The following SMYD3 variants were observed in gnomAD, a reference collection of about 807,000 sequenced individuals.
The protein encoded by SMYD3 is histone-lysine N-methyltransferase SMYD3.
Under a neutral mutation model 57.7 loss-of-function variants are expected in SMYD3, and 36 were observed. The ratio of observed to expected loss-of-function variants is 0.62; its 90% CI spans 0.48 to 0.82. The LOEUF (loss-of-function observed/expected upper bound fraction) is 0.82, where lower values mean the gene tolerates loss of function less well. Among genes scored for constraint, SMYD3 ranks in the 40% least tolerant of loss-of-function variants. SMYD3 has a pLI of 0.00. For missense variants in SMYD3, 515 were observed against 538.8 expected (o/e 0.96, Z 0.44); for synonymous variants, 211 against 195.0 (o/e 1.08, Z -0.68).
chr1:245,861,951 T>G (rs1172225163), intron 9 of SMYD3, among the ~76,000 whole-genome samples: 1 of 152,120 alleles, frequency 6.6e-6, no homozygotes, highest in African/African-American at 2.4e-5. Flanking sequence ...AGTAAAACCT[T>G]GTCCAGTTGA....
chr1:246,210,312 C>A (rs978243315), intron 5 of SMYD3, among the ~76,000 whole-genome samples: 1 of 152,142 alleles, frequency 6.6e-6, no homozygotes, highest in African/African-American at 2.4e-5. Context: ...TAAGAGATGC[C>A]AAGCTCTTAA....
chr1:245,811,921 A>T (rs533769668), intron 10 of SMYD3, among the ~76,000 whole-genome samples: 2 of 152,328 alleles, frequency 1.3e-5, no homozygotes, highest in East Asian at 1.9e-4. Context: ...TTACATTTGA[A>T]CATGGGTCTG....
intron 1 of SMYD3, among the ~76,000 whole-genome samples, chr1:246,436,900 C>CTTTTTTT (rs61263648): frequency 1.1e-4 from 14 of 128,418 alleles, no homozygotes; most frequent in South Asian, 2.6e-4. Context: ...GAGTTTCTTT[C>CTTTTTTT]TTTTTTTTTT....
At chr1:245,825,920 C>T (rs1030070666) in intron 10 of SMYD3, among the ~76,000 whole-genome samples, 6 of 148,216 alleles carry the variant, frequency 4.0e-5, no homozygotes, top group Admixed American at 2.1e-4. Context: ...GAAAACTCCA[C>T]GTCATTTTCT....
chr1:246,216,818 T>G (rs1378773781), intron 5 of SMYD3, among the ~76,000 whole-genome samples: 1 of 152,074 alleles, frequency 6.6e-6, no homozygotes, highest in East Asian at 1.9e-4. Flanking sequence ...GAAGCTAGCT[T>G]TCTCACTAGA....
chr1:246,142,431 T>A lies in SMYD3; in HGVS notation c.531+184770A>T, dbSNP rs151186837. ...CACTTTACAGCTTCTTTTTGGCATA[T>A]CCAAATTGACAGCGCTAGTCTTGCA... On this transcript the variant is annotated intron_variant, in intron 5 of 11. Coordinates refer to ENST00000490107, the MANE Select transcript of SMYD3 (RefSeq NM_001167740.2). 2.7e-3 allele frequency among the ~76,000 whole-genome samples: 417 copies of A among 152,246 alleles called. 2 individuals carry two copies. The highest frequency in any genetic ancestry group is 4.6e-3 in the Non-Finnish European group (313 of 68,020).
intron 5 of SMYD3, among the ~76,000 whole-genome samples, chr1:246,086,705 TTTTTTTTAA>T (rs957076919): frequency 9.3e-5 from 14 of 151,334 alleles, no homozygotes; most frequent in African/African-American, 2.7e-4. Context: ...CAAATTTTCT[TTTTTTTTAA>T]TTTTTTTAAT....
chr1:246,444,666 T>C (rs1165060006), intron 1 of SMYD3, among the ~76,000 whole-genome samples: 9 of 152,114 alleles, frequency 5.9e-5, no homozygotes, highest in Non-Finnish European at 1.5e-5. Flanking sequence ...CTAAATACCA[T>C]TAAAACTATT....
intron 5 of SMYD3, among the ~76,000 whole-genome samples, chr1:246,105,816 C>T (rs1185308253): frequency 5.3e-5 from 8 of 152,186 alleles, no homozygotes; most frequent in African/African-American, 1.9e-4. Context: ...GCCATGCCAA[C>T]GTGCCTCCTG....
intron 5 of SMYD3, among the ~76,000 whole-genome samples, chr1:246,072,679 T>C (rs1291309638): frequency 6.6e-6 from 1 of 152,176 alleles, no homozygotes; most frequent in Non-Finnish European, 1.5e-5. Flanking sequence ...AGGAGATTAG[T>C]ACATGACTCT....
chr1:246,038,738 G>A lies in SMYD3; in HGVS notation c.532-108801C>T, dbSNP rs185982854. 1.6e-3 allele frequency among the ~76,000 whole-genome samples: 239 copies of A among 152,244 alleles called. 1 individual carries two copies. Among genetic ancestry groups the A allele is most frequent in the Non-Finnish European group, 3.0e-3 (202 of 68,018 alleles). On this transcript the variant is annotated intron_variant, in intron 5 of 11. Coordinates refer to ENST00000490107, the MANE Select transcript of SMYD3 (RefSeq NM_001167740.2). ...AGTTCTTACAACTAGGGGATCTCTC[G>A]GGATTTCCACTTCATACTCATTCTT...
rs139138207 is a variant in SMYD3 at position 245,847,684 on chromosome 1, T to C, written c.1076+10812A>G. On this transcript the variant is annotated intron_variant, in intron 10 of 11. Coordinates refer to ENST00000490107, the MANE Select transcript of SMYD3 (RefSeq NM_001167740.2). ...CAAGAGACTGATTCAACAGGAGAAA[T>C]TCAATGCATCCCAAAAGATTCCCTA... is the stretch of plus-strand genomic sequence containing the variant. 5.2e-4 allele frequency among the ~76,000 whole-genome samples: 75 copies of C among 144,776 alleles called. No individual in the cohort carries two copies. The East Asian group carries it at 0.016, about 32-fold the overall frequency. The allele number at this position is 144,776 out of a possible 152,430, so 95.0% of individuals were successfully genotyped here.
rs80014488 is a variant in SMYD3, at chr1:246,400,196, C to G, written c.165-45102G>C. On this transcript the variant is annotated intron_variant, in intron 1 of 11. Coordinates refer to ENST00000490107, the MANE Select transcript of SMYD3 (RefSeq NM_001167740.2). Reference sequence around the variant, plus strand: ...ACAGGTCACTCGTTCATTTATTCATCTAACATTTATTTACCCACATACTGT... The same window carrying G: ...ACAGGTCACTCGTTCATTTATTCATGTAACATTTATTTACCCACATACTGT... Among the ~76,000 whole-genome samples the G allele has an allele frequency of 2.9e-3, 448 of 152,346 alleles. 2 individuals carry two copies. Among genetic ancestry groups the G allele is most frequent in the African/African-American group, 0.01 (417 of 41,594 alleles).
chr1:245,985,792 G>A (rs913545061), intron 5 of SMYD3, among the ~76,000 whole-genome samples: 1 of 152,068 alleles, frequency 6.6e-6, no homozygotes, highest in South Asian at 2.1e-4. Flanking sequence ...CCTCTGCTTG[G>A]AAAATTATTA....
In SMYD3 at chr1:245,957,822, C is replaced by G. The variant is rs115633343; in HGVS notation, c.532-27885G>C. ...ATGTGGAAAAGTCATAACTTACCTT[C>G]CTCATTATTTTCTCTATCAAGCCAT... is the stretch of plus-strand genomic sequence containing the variant. On this transcript the variant is annotated intron_variant, in intron 5 of 11. Coordinates refer to ENST00000490107, the MANE Select transcript of SMYD3 (RefSeq NM_001167740.2). Among the ~76,000 whole-genome samples, 775 of 152,294 alleles carry G rather than the reference C, an allele frequency of 5.1e-3. 5 individuals carry two copies. Among genetic ancestry groups the G allele is most frequent in the Non-Finnish European group, 7.0e-3 (477 of 68,030 alleles).
At chr1:246,009,615 C>T (rs1181238401) in intron 5 of SMYD3, among the ~76,000 whole-genome samples, 1 of 151,884 alleles carries the variant, frequency 6.6e-6, no homozygotes, top group East Asian at 1.9e-4. Context: ...CAAGTTAGAT[C>T]ATCTACTTCC....
chr1:246,019,588 G>A (rs750863995), intron 5 of SMYD3, among the ~76,000 whole-genome samples: 24 of 152,134 alleles, frequency 1.6e-4, no homozygotes, highest in Admixed American at 2.0e-4. Flanking sequence ...CTGTGTTCTT[G>A]ACATAAAGGG....
intron 5 of SMYD3, among the ~76,000 whole-genome samples, chr1:246,168,734 G>A (rs570242980): frequency 6.2e-4 from 95 of 152,184 alleles, no homozygotes; most frequent in African/African-American, 2.1e-3. Context: ...CGTTGCACCC[G>A]GAGGAATCAT....
intron 5 of SMYD3, among the ~76,000 whole-genome samples, chr1:245,949,745 G>C (rs1424290123): frequency 6.6e-6 from 1 of 152,086 alleles, no homozygotes; most frequent in East Asian, 1.9e-4. Context: ...GGAGGCACAG[G>C]TTGCAGTGAG....
Sources: allele counts gnomAD v4.1 joint callset (sites outside exome capture counted in the v4.1 genomes callset), GRCh38; gene constraint gnomAD v4.1.1; transcripts MANE v1.5; gene names NCBI Gene and HGNC (gene_info 2026-07-23, HGNC 2026-07-21).